NUP98: variants seen among roughly 807,000 people sequenced by gnomAD.
NUP98 encodes nuclear pore complex protein Nup98-Nup96.
In NUP98, 26 loss-of-function variants were observed where a neutral mutation model predicts 191.9. The ratio of observed to expected loss-of-function variants is 0.14; its 90% CI spans 0.10 to 0.19. The LOEUF (loss-of-function observed/expected upper bound fraction) is 0.19, where lower values mean the gene tolerates loss of function less well. Among genes scored for constraint, NUP98 ranks in the 10% least tolerant of loss-of-function variants. NUP98 has a pLI of 1.00. For missense variants in NUP98, 1,941 were observed against 2,178.8 expected, an observed-to-expected ratio of 0.89 and a Z score of 2.17; for synonymous variants, 808 against 778.4, an observed-to-expected ratio of 1.04 and a Z score of -0.63.
chr11:3,701,810 T>G (rs1358883132), intron 23 of NUP98, among the ~76,000 whole-genome samples: 1 of 151,614 alleles, frequency 6.6e-6, no homozygotes, highest in East Asian at 2.0e-4. Context: ...CTCAGCCTCC[T>G]GACTAGCTGG....
At chr11:3,736,100 T>TGTGTG (rs1564862183) in intron 12 of NUP98, among the ~76,000 whole-genome samples, 3 of 111,190 alleles carry the variant, frequency 2.7e-5, no homozygotes, top group Admixed American at 1.6e-4. Context: ...GTGTGTGTGT[T>TGTGTG]TTGTTTTTTT....
intron 11 of NUP98, among the ~76,000 whole-genome samples, chr11:3,745,517 C>T (rs753200716): frequency 2.6e-5 from 4 of 151,878 alleles, no homozygotes; most frequent in South Asian, 2.1e-4. Context: ...AAGTGTAAAA[C>T]GGGGAAGAAT....
chr11:3,776,655 T>C (rs1340684208), intron 4 of NUP98, among the ~76,000 whole-genome samples: 4 of 151,442 alleles, frequency 2.6e-5, no homozygotes, highest in African/African-American at 9.7e-5. Context: ...CGGCTAATTT[T>C]TTGTATTTTT....
chr11:3,748,371 C>T (rs2080590714), intron 11 of NUP98, among the ~76,000 whole-genome samples: 1 of 152,284 alleles, frequency 6.6e-6, no homozygotes, highest in Non-Finnish European at 1.5e-5. Flanking sequence ...CCAGACTAGC[C>T]TGGCCAAAAT....
chr11:3,711,813 A>T, intron 20 of NUP98: 7 of 1,020,028 alleles, frequency 6.9e-6, no homozygotes, highest in Non-Finnish European at 8.3e-6. Context: ...GCAAACATGT[A>T]TATACACACA....
chr11:3,685,762 T>C (rs1203000887), intron 29 of NUP98, among the ~76,000 whole-genome samples: 2 of 152,248 alleles, frequency 1.3e-5, no homozygotes, highest in Non-Finnish European at 1.5e-5. Flanking sequence ...AATTTGGCAC[T>C]TAATCAAAGG....
rs2078862821 is a variant in NUP98 at position 3,706,426 on chromosome 11, A to T, written c.2925+19T>A. 1 of 1,612,274 alleles carries T rather than the reference A, an allele frequency of 6.2e-7. No homozygotes were observed. Among genetic ancestry groups the T allele is most frequent in the African/African-American group, 1.3e-5 (1 of 74,870 alleles). On this transcript the variant is annotated intron_variant, in intron 21 of 32. Coordinates refer to ENST00000324932, the MANE Select transcript of NUP98 (RefSeq NM_016320.5). ...TTAGTTTGGCTTTCTGTTACAAAAA[A>T]GGTGGGTTAGAACTTCACCTGTAAG...
At chr11:3,719,600 A>T in intron 17 of NUP98, 50 bp from the exon 18 acceptor site, 2 of 1,336,292 alleles carry the variant, frequency 1.5e-6, no homozygotes, top group Non-Finnish European at 2.0e-6. Context: ...GAAGGCAAAT[A>T]CCTACTTTAC....
chr11:3,765,680 A>G (rs1351865310), intron 8 of NUP98, among the ~76,000 whole-genome samples: 2 of 152,168 alleles, frequency 1.3e-5, no homozygotes, highest in East Asian at 3.9e-4. Flanking sequence ...GCACACCTGT[A>G]ATCCCAGTTA....
At chr11:3,745,040 G>C (rs1225899505) in intron 11 of NUP98, among the ~76,000 whole-genome samples, 1 of 152,194 alleles carries the variant, frequency 6.6e-6, no homozygotes, top group Admixed American at 6.5e-5. Context: ...TTAGGGTTTA[G>C]TAATTAGCAC....
chr11:3,788,861 C>T (rs11607564), intron 1 of NUP98, among the ~76,000 whole-genome samples: 26,325 of 151,640 alleles, frequency 0.17, 2,415 homozygotes, highest in East Asian at 0.26. Context: ...GCAGGAGAAT[C>T]GCTTGAACCC....
In NUP98 at chr11:3,735,338, A is replaced by G. The variant is rs1328943831; in HGVS notation, c.1409-14T>C. On this transcript the variant is annotated splice_polypyrimidine_tract_variant and intron_variant, in intron 12 of 32. Coordinates refer to ENST00000324932, the MANE Select transcript of NUP98 (RefSeq NM_016320.5). ...GATCTGTCAAAGCTTTTAAAAAAAAAAAAAGAAAACAAAATATATATATAT... is the reference window on the plus strand; with the variant it reads ...GATCTGTCAAAGCTTTTAAAAAAAAGAAAAGAAAACAAAATATATATATAT... 7.0e-7 allele frequency: 1 copy of G among 1,424,306 alleles called. No individual in the cohort carries two copies. Among genetic ancestry groups the G allele is most frequent in the Non-Finnish European group, 9.2e-7 (1 of 1,087,440 alleles). 88.2% of individuals were successfully genotyped at this position (1,424,306 alleles called of 1,614,324 possible).
rs1194606244 is a variant in NUP98 at position 3,789,933 on chromosome 11, C to CGG, written c.-29+7466_-29+7467insCC. Among the ~76,000 whole-genome samples the CGG allele has an allele frequency of 2.6e-5, 4 of 152,144 alleles. No homozygotes were observed. In the East Asian group the frequency reaches 7.7e-4, roughly 29 times the overall value. On this transcript the variant is annotated intron_variant, in intron 1 of 32. Coordinates refer to ENST00000324932, the MANE Select transcript of NUP98 (RefSeq NM_016320.5). ...TCGAGAAGATGGGACTACAGGCACCCACCACTATACCGGGTTAATTTTTTG... is the reference window on the plus strand; with the variant it reads ...TCGAGAAGATGGGACTACAGGCACCCGGACCACTATACCGGGTTAATTTTTTG...
intron 29 of NUP98, among the ~76,000 whole-genome samples, chr11:3,685,223 T>C (rs1013749712): frequency 5.3e-5 from 8 of 152,214 alleles, no homozygotes; most frequent in African/African-American, 1.9e-4. Flanking sequence ...TCCGGCCTTA[T>C]CTTGTTCAAA....
chr11:3,696,318 A>G (rs747690603), intron 25 of NUP98, among the ~76,000 whole-genome samples: 19 of 152,166 alleles, frequency 1.2e-4, no homozygotes, highest in Non-Finnish European at 2.6e-4. Flanking sequence ...CCTCGCCAAC[A>G]TGATGAAACT....
In NUP98 at chr11:3,712,035, C is replaced by A. The variant is rs531672546; in HGVS notation, c.2742+529G>T. The A allele has an allele frequency of 9.5e-6, 10 of 1,049,128 alleles. No homozygotes were observed. The South Asian group carries it at 4.6e-4, about 48-fold the overall frequency. The allele number at this position is 1,049,128 out of a possible 1,614,324, so 65.0% of individuals were successfully genotyped here. A position where few individuals can be genotyped will look rare whatever the true frequency, so the allele number is the denominator to read the frequency against. On this transcript the variant is annotated intron_variant, in intron 20 of 32. Transcript: ENST00000324932. ...AATCTCCCCAAGCCAAATAATAATTCATTTACATTCCCAAACTATTTTTCA... is the reference window on the plus strand; with the variant it reads ...AATCTCCCCAAGCCAAATAATAATTAATTTACATTCCCAAACTATTTTTCA...
chr11:3,757,521 G>A lies in NUP98; in HGVS notation c.1174+3018C>T, dbSNP rs553934002. Among the ~76,000 whole-genome samples, 10 of 151,830 alleles carry A rather than the reference G, an allele frequency of 6.6e-5. No homozygotes were observed. In the East Asian group the frequency reaches 1.4e-3, roughly 21 times the overall value. On this transcript the variant is annotated intron_variant, in intron 10 of 32. Transcript: ENST00000324932. ...CAAAACAAAACAAAACAAAAATGCC[G>A]AGCGTGGTGGTTCACACCTGTAATC...
chr11:3,731,365 A>ATTTCTG, intron 14 of NUP98, 26 bp downstream of exon 14: 2 of 1,471,656 alleles, frequency 1.4e-6, no homozygotes, highest in Non-Finnish European at 9.1e-7. Flanking sequence ...TTTACACTTA[A>ATTTCTG]TTTCTGTTAA....
At chr11:3,703,713 A>G (rs1369790857) in intron 22 of NUP98, among the ~76,000 whole-genome samples, 1 of 152,200 alleles carries the variant, frequency 6.6e-6, no homozygotes, top group African/African-American at 2.4e-5. Flanking sequence ...AAGTAAGATC[A>G]AAACTCAAAT....
Sources: gnomAD v4.1 joint callset for allele counts (sites outside exome capture counted in the v4.1 genomes callset) on GRCh38, gnomAD v4.1.1 for gene constraint, MANE v1.5 for transcripts, NCBI Gene and HGNC (gene_info 2026-07-23, HGNC 2026-07-21) for gene names.